The following SENP5 variants were observed in gnomAD, a reference collection of about 807,000 sequenced individuals.
SENP5 encodes sentrin-specific protease 5.
In SENP5, 21 loss-of-function variants were observed where a neutral mutation model predicts 74.2. The ratio of observed to expected loss-of-function variants is 0.28; its 90% CI spans 0.20 to 0.41. The LOEUF (loss-of-function observed/expected upper bound fraction) is 0.41, where lower values mean the gene tolerates loss of function less well. SENP5 is among the 10% of genes least tolerant of loss of function. The probability of loss-of-function intolerance (pLI) is 1.00; values close to 1 mark genes in which losing one functional copy is unlikely to be tolerated. For missense variants in SENP5, 717 were observed against 889.1 expected, an observed-to-expected ratio of 0.81 and a Z score of 2.46; for synonymous variants, 311 against 312.7, an observed-to-expected ratio of 0.99 and a Z score of 0.06.
intron 6 of SENP5, among the ~76,000 whole-genome samples, chr3:196,909,120 AATACT>A (rs1374013562): frequency 3.3e-5 from 5 of 152,182 alleles, no homozygotes; most frequent in African/African-American, 9.6e-5. Context: ...ACTATCAGAG[AATACT>A]ATAAAGACCT....
intron 6 of SENP5, chr3:196,913,993 AAAAG>A (rs1715247920): frequency 6.6e-6 from 1 of 152,196 alleles, no homozygotes; most frequent in South Asian, 2.1e-4. Flanking sequence ...ACTTCACAGT[AAAAG>A]AAAAGCAAAT....
chr3:196,919,051 T>C (rs1357363796), intron 6 of SENP5, among the ~76,000 whole-genome samples: 1 of 152,058 alleles, frequency 6.6e-6, no homozygotes, highest in East Asian at 1.9e-4. Context: ...GCAAATATTA[T>C]CTGAGCTAAA....
chr3:196,929,897 G>A lies in SENP5; in HGVS notation c.2157+214G>A, dbSNP rs537595498. On this transcript the variant is annotated intron_variant, in intron 9 of 9. Coordinates refer to ENST00000323460, the MANE Select transcript of SENP5 (RefSeq NM_152699.5). ...CTTCCAGGGATCAAGAGTGAAGTGT[G>A]GGTGTCATCCATGTCTCACTGGAGG... Among the ~76,000 whole-genome samples the A allele has an allele frequency of 2.6e-5, 4 of 152,078 alleles. No homozygotes were observed. The South Asian group carries it at 8.3e-4, about 32-fold the overall frequency.
intron 1 of SENP5, among the ~76,000 whole-genome samples, chr3:196,874,348 C>G (rs914706868): frequency 3.3e-5 from 5 of 151,376 alleles, no homozygotes; most frequent in Admixed American, 2.6e-4. Context: ...TATATATCGC[C>G]TTTTTTGTTC....
Position 196,932,468 on chromosome 3 carries a change from C to G in SENP5, c.*1545C>G, listed in dbSNP as rs1040618502. ...AGGGTTCCCAACACCAGTGGTGACACTGGGAAGCAGCCCCAGCACTTTCCT... is the reference window on the plus strand; with the variant it reads ...AGGGTTCCCAACACCAGTGGTGACAGTGGGAAGCAGCCCCAGCACTTTCCT... On this transcript the variant is annotated 3_prime_UTR_variant, in exon 10 of 10. Coordinates refer to ENST00000323460, the MANE Select transcript of SENP5 (RefSeq NM_152699.5). The G allele has an allele frequency of 6.6e-6, 1 of 152,282 alleles. No homozygotes were observed. Among genetic ancestry groups the G allele is most frequent in the Non-Finnish European group, 1.5e-5 (1 of 68,166 alleles). The allele number at this position is 152,282 out of a possible 1,614,324, so 9.4% of individuals were successfully genotyped here.
intron 1 of SENP5, among the ~76,000 whole-genome samples, chr3:196,871,801 G>A (rs1285298904): frequency 1.3e-5 from 2 of 149,962 alleles, no homozygotes; most frequent in Admixed American, 1.3e-4. Context: ...GTTGCAGTGA[G>A]TCGAGATCAG....
chr3:196,892,617 A>G (rs1245651383), intron 2 of SENP5, among the ~76,000 whole-genome samples: 1 of 152,206 alleles, frequency 6.6e-6, no homozygotes, highest in Non-Finnish European at 1.5e-5. Context: ...ACAGTACATT[A>G]TTATTAACTA....
At position 196,886,146 on chromosome 3, in the gene SENP5, A is replaced by T; in HGVS notation, c.965A>T (p.His322Leu). Residue 322 changes from histidine (H) to leucine (L), a missense_variant, in exon 2 of 10, where the codon CAT becomes CTT. This residue lies in a region of SENP5 where 567 missense variants were observed against 577.4 expected (regional missense o/e 0.98). Coordinates refer to ENST00000323460, the MANE Select transcript of SENP5 (RefSeq NM_152699.5). Reference sequence around the variant, plus strand: ...GCTGTGGTGAAGGGGACGAACTCTCATGTGCCTGATTGCCACACTAAAGGA... The same window carrying T: ...GCTGTGGTGAAGGGGACGAACTCTCTTGTGCCTGATTGCCACACTAAAGGA... The part of the protein sequence containing the change: ...SSAVVKGTNS[H>L]VPDCHTKGSS... 2.5e-6 allele frequency: 4 copies of T among 1,614,004 alleles called. No homozygotes were observed. Among genetic ancestry groups the T allele is most frequent in the Non-Finnish European group, 2.5e-6 (3 of 1,179,894 alleles).
At chr3:196,904,163 G>T (rs1194900831) in intron 6 of SENP5, among the ~76,000 whole-genome samples, 1 of 152,210 alleles carries the variant, frequency 6.6e-6, no homozygotes, top group African/African-American at 2.4e-5. Context: ...TCAGAGAGTG[G>T]TAAGTGCTAT....
At chr3:196,870,485 T>C (rs559913652) in intron 1 of SENP5, among the ~76,000 whole-genome samples, 3 of 152,154 alleles carry the variant, frequency 2.0e-5, no homozygotes, top group Non-Finnish European at 4.4e-5. Flanking sequence ...TAAATTATTT[T>C]TTCTCTAAAA....
chr3:196,870,719 T>C lies in SENP5; in HGVS notation c.-32+2646T>C, dbSNP rs192544653. 6.3e-3 allele frequency among the ~76,000 whole-genome samples: 950 copies of C among 151,946 alleles called. 5 individuals carry two copies. Among genetic ancestry groups the C allele is most frequent in the Non-Finnish European group, 9.4e-3 (638 of 67,956 alleles). ...TTTTAGTAGAGATGGGGTTTCACCA[T>C]GTTGGCCAGGCTGGTCTTGAACTCC... On this transcript the variant is annotated intron_variant, in intron 1 of 9. Transcript: ENST00000323460.
rs34480422 is a variant in SENP5 at position 196,894,116 on chromosome 3, G to GTT, written c.1514-5530_1514-5529dup. On this transcript the variant is annotated intron_variant, in intron 2 of 9. Transcript: ENST00000323460. ...CTCTTTTTTTCTAGATATTAATGTGGTTTTTTTTTTTTTTTTTTTTTCTGG... is the reference window on the plus strand; with the variant it reads ...CTCTTTTTTTCTAGATATTAATGTGGTTTTTTTTTTTTTTTTTTTTTTTCTGG... 2.9e-3 allele frequency among the ~76,000 whole-genome samples: 269 copies of GTT among 93,194 alleles called. 5 individuals carry two copies. Among genetic ancestry groups the GTT allele is most frequent in the African/African-American group, 9.6e-3 (238 of 24,788 alleles). The allele number at this position is 93,194 out of a possible 152,430, so 61.1% of individuals were successfully genotyped here.
At chr3:196,903,651 A>G in intron 6 of SENP5, 41 bp downstream of exon 6, 1 of 1,312,452 alleles carries the variant, frequency 7.6e-7, no homozygotes, top group South Asian at 1.3e-5. Flanking sequence ...TTTGAAACGC[A>G]GATGATAAAC....
At chr3:196,894,978 T>G (rs1441623887) in intron 2 of SENP5, among the ~76,000 whole-genome samples, 1 of 152,220 alleles carries the variant, frequency 6.6e-6, no homozygotes, top group Non-Finnish European at 1.5e-5. Context: ...TTGCTTATGT[T>G]TGTTCTTAGA....
chr3:196,902,190 C>T lies in SENP5; in HGVS notation c.1807-1343C>T, dbSNP rs151238080. ...GGAATGCAGTGGCACAGTCATAGCT[C>T]ACTGTAGCCTTGAACTCCTGGGCTC... On this transcript the variant is annotated intron_variant, in intron 5 of 9. Coordinates refer to ENST00000323460, the MANE Select transcript of SENP5 (RefSeq NM_152699.5). Among the ~76,000 whole-genome samples, 27 of 152,354 alleles carry T rather than the reference C, an allele frequency of 1.8e-4. No individual in the cohort carries two copies. In the East Asian group the frequency reaches 2.3e-3, roughly 13 times the overall value.
intron 1 of SENP5, among the ~76,000 whole-genome samples, chr3:196,878,044 A>G (rs1713558489): frequency 6.6e-6 from 1 of 152,218 alleles, no homozygotes; most frequent in South Asian, 2.1e-4. Flanking sequence ...AAAACCCTCT[A>G]GATAACAAAG....
At chr3:196,876,340 A>AGTG (rs1416250133) in intron 1 of SENP5, among the ~76,000 whole-genome samples, 3 of 152,060 alleles carry the variant, frequency 2.0e-5, no homozygotes, top group African/African-American at 7.2e-5. Flanking sequence ...TTGCTAACAC[A>AGTG]GTGAAACCCC....
chr3:196,914,586 A>AAAAAAAGATATATATATAT, intron 6 of SENP5: 1 of 33,510 alleles, frequency 3.0e-5, no homozygotes, highest in Non-Finnish European at 5.1e-5. Context: ...AAAAAAAAAA[A>AAAAAAAGATATATATATAT]ATATATATAT....
In SENP5 at chr3:196,885,877, G is replaced by A. The variant is rs1322924254; in HGVS notation, c.696G>A (p.Met232Ile). Residue 232 changes from methionine to isoleucine, a missense_variant, in exon 2 of 10, where the codon ATG (methionine) becomes ATA (isoleucine). By Grantham distance (10) the Met-to-Ile change is conservative. This residue lies in a region of SENP5 where 567 missense variants were observed against 577.4 expected (regional missense o/e 0.98). Transcript: ENST00000323460. Reference sequence around the variant, plus strand: ...GGATAAAATTATCTCCTCTTATGATGTATGAGAAATTATCCATGATTAGAT... The same window carrying A: ...GGATAAAATTATCTCCTCTTATGATATATGAGAAATTATCCATGATTAGAT... Reference protein sequence around the residue: ...HRRIKLSPLMMYEKLSMIRFR... With the variant: ...HRRIKLSPLMIYEKLSMIRFR... 3.7e-6 allele frequency: 6 copies of A among 1,613,676 alleles called. No individual in the cohort carries two copies. Among genetic ancestry groups the A allele is most frequent in the Middle Eastern group, 1.7e-4 (1 of 6,056 alleles).
Sources: allele counts gnomAD v4.1 joint callset (sites outside exome capture counted in the v4.1 genomes callset), GRCh38; gene constraint gnomAD v4.1.1; regional missense constraint gnomAD v4.1.1; transcripts MANE v1.5; gene names NCBI Gene and HGNC (gene_info 2026-07-23, HGNC 2026-07-21).